The following ARHGAP24 variants were observed in gnomAD, a reference collection of about 807,000 sequenced individuals.
The protein encoded by ARHGAP24 is rho GTPase-activating protein 24.
Under a neutral mutation model 76.4 loss-of-function variants are expected in ARHGAP24, and 50 were observed. The ratio of observed to expected loss-of-function variants is 0.65; its 90% CI spans 0.52 to 0.83. The LOEUF (loss-of-function observed/expected upper bound fraction) is 0.83. Among genes scored for constraint, ARHGAP24 ranks in the 40% least tolerant of loss-of-function variants. The pLI is 0.00. For synonymous variants in ARHGAP24, 345 were observed against 323.3 expected (o/e 1.07, Z -0.72); for missense variants, 930 against 914.2 (o/e 1.02, Z -0.22).
intron 3 of ARHGAP24, among the ~76,000 whole-genome samples, chr4:85,900,308 A>C (rs1300416563): frequency 3.3e-5 from 5 of 152,224 alleles, no homozygotes; most frequent in Admixed American, 3.3e-4. Context: ...CAATCATTTC[A>C]GCTGACAGCT....
chr4:85,934,145 T>C (rs1736500883), intron 4 of ARHGAP24, among the ~76,000 whole-genome samples: 1 of 152,246 alleles, frequency 6.6e-6, no homozygotes, highest in Non-Finnish European at 1.5e-5. Context: ...TTTCCCTATC[T>C]GTATTTCTAA....
At chr4:85,713,399 T>C (rs1437336774) in intron 2 of ARHGAP24, among the ~76,000 whole-genome samples, 1 of 152,162 alleles carries the variant, frequency 6.6e-6, no homozygotes, top group Non-Finnish European at 1.5e-5. Context: ...AAATATATTT[T>C]AAATAGAAAA....
At chr4:85,541,311 G>A (rs1265296508) in intron 1 of ARHGAP24, among the ~76,000 whole-genome samples, 1 of 137,086 alleles carries the variant, frequency 7.3e-6, no homozygotes, top group East Asian at 2.0e-4. Flanking sequence ...CCGCCACTAC[G>A]CCCGGCTAAT....
At chr4:85,832,132 A>C (rs67886916) in intron 3 of ARHGAP24, among the ~76,000 whole-genome samples, 13,164 of 152,194 alleles carry the variant, frequency 0.086, 923 homozygotes, top group East Asian at 0.29. Flanking sequence ...GAGGGAGCCA[A>C]AAGAAAACAG....
intron 3 of ARHGAP24, among the ~76,000 whole-genome samples, chr4:85,902,767 C>T (rs1734572625): frequency 6.6e-6 from 1 of 152,176 alleles, no homozygotes; most frequent in Non-Finnish European, 1.5e-5. Context: ...CTGCGCTCAT[C>T]TAATTTTTGT....
chr4:85,718,746 G>A (rs1017845530), intron 2 of ARHGAP24, among the ~76,000 whole-genome samples: 1 of 152,020 alleles, frequency 6.6e-6, no homozygotes, highest in East Asian at 1.9e-4. Context: ...TGAAAAACTT[G>A]TCAAAATATA....
intron 3 of ARHGAP24, among the ~76,000 whole-genome samples, chr4:85,764,341 T>C (rs927866419): frequency 6.6e-6 from 1 of 152,176 alleles, no homozygotes; most frequent in Non-Finnish European, 1.5e-5. Flanking sequence ...CTATCATCAA[T>C]GCGTTAAAAG....
At chr4:85,983,101 C>G (rs868431488) in intron 8 of ARHGAP24, among the ~76,000 whole-genome samples, 98 of 152,168 alleles carry the variant, frequency 6.4e-4, no homozygotes, top group Admixed American at 7.9e-4. Context: ...GACATGATCT[C>G]ATTCCTTTTT....
At position 85,569,868 on chromosome 4, in the gene ARHGAP24, C is replaced by T. The variant is rs761434174; in HGVS notation, c.-20-654C>T. 2.0e-5 allele frequency among the ~76,000 whole-genome samples: 3 copies of T among 152,186 alleles called. No individual in the cohort carries two copies. In the East Asian group the frequency reaches 5.8e-4, roughly 29 times the overall value. ...AATAGTCTCTTGAAATGGGGACACA[C>T]GTCAGGCTAGCTCTTGCTCAGGTAA... On this transcript the variant is annotated intron_variant, in intron 1 of 9. Coordinates refer to ENST00000395184, the MANE Select transcript of ARHGAP24 (RefSeq NM_001025616.3).
chr4:85,567,785 T>G (rs1316516944), intron 1 of ARHGAP24, among the ~76,000 whole-genome samples: 10 of 152,208 alleles, frequency 6.6e-5, no homozygotes, highest in African/African-American at 1.9e-4. Flanking sequence ...TTTAATCATT[T>G]TATTTCTCCA....
intron 3 of ARHGAP24, among the ~76,000 whole-genome samples, chr4:85,766,541 C>T (rs950753141): frequency 1.5e-4 from 23 of 152,150 alleles, no homozygotes; most frequent in African/African-American, 5.5e-4. Context: ...AAGCAGATTT[C>T]CAGGTGATTC....
At chr4:85,747,620 G>C (rs1354802623) in intron 3 of ARHGAP24, among the ~76,000 whole-genome samples, 2 of 152,050 alleles carry the variant, frequency 1.3e-5, no homozygotes, top group Admixed American at 1.3e-4. Context: ...GGAGAATGGC[G>C]TGAACCCGGG....
At chr4:85,606,751 T>C (rs1341649407) in intron 2 of ARHGAP24, among the ~76,000 whole-genome samples, 2 of 152,180 alleles carry the variant, frequency 1.3e-5, no homozygotes, top group Non-Finnish European at 2.9e-5. Flanking sequence ...TCAAAGTCAC[T>C]CTTCTCACTG....
At chr4:85,483,950 A>G (rs1034752600) in intron 1 of ARHGAP24, among the ~76,000 whole-genome samples, 1 of 152,214 alleles carries the variant, frequency 6.6e-6, no homozygotes, top group African/African-American at 2.4e-5. Context: ...CAAAGGTGGC[A>G]TTTGGAAATC....
At chr4:85,915,643 T>G (rs1735343783) in intron 3 of ARHGAP24, among the ~76,000 whole-genome samples, 1 of 148,134 alleles carries the variant, frequency 6.8e-6, no homozygotes, top group African/African-American at 2.5e-5. Flanking sequence ...GTCGTTCAAC[T>G]CCCACTTATG....
chr4:85,921,116 T>C (rs1280825603), intron 3 of ARHGAP24, among the ~76,000 whole-genome samples: 1 of 152,158 alleles, frequency 6.6e-6, no homozygotes, highest in African/African-American at 2.4e-5. Flanking sequence ...AGTGAAGACA[T>C]GGAATCAAAC....
chr4:85,722,754 G>T (rs1725002580), intron 3 of ARHGAP24, among the ~76,000 whole-genome samples: 1 of 152,078 alleles, frequency 6.6e-6, no homozygotes, highest in South Asian at 2.1e-4. Context: ...TCTGGCTCCG[G>T]TTGACCGTTT....
intron 3 of ARHGAP24, among the ~76,000 whole-genome samples, chr4:85,733,343 G>C (rs571063991): frequency 6.6e-6 from 1 of 151,850 alleles, no homozygotes; most frequent in African/African-American, 2.4e-5. Context: ...GATTACAGGC[G>C]TGAGCCACCA....
At chr4:85,922,965 C>G (rs1287584844) in intron 3 of ARHGAP24, among the ~76,000 whole-genome samples, 1 of 152,138 alleles carries the variant, frequency 6.6e-6, no homozygotes, top group Non-Finnish European at 1.5e-5. Flanking sequence ...AGAGGCACTG[C>G]GGGGGTTTCC....
Sources: gnomAD v4.1 joint callset for allele counts (sites outside exome capture counted in the v4.1 genomes callset) on GRCh38, gnomAD v4.1.1 for gene constraint, MANE v1.5 for transcripts, NCBI Gene and HGNC (gene_info 2026-07-23, HGNC 2026-07-21) for gene names.